TET1: variants seen among roughly 807,000 people sequenced by gnomAD.
The protein encoded by TET1 is methylcytosine dioxygenase TET1.
In TET1, 13 loss-of-function variants were observed where a neutral mutation model predicts 148.7. The ratio of observed to expected loss-of-function variants is 0.09; its 90% CI spans 0.06 to 0.14. The LOEUF is 0.14. TET1 is among the 10% of genes least tolerant of loss of function. The pLI is 1.00. For synonymous variants in TET1, 907 were observed against 937.2 expected, an observed-to-expected ratio of 0.97 and a Z score of 0.59; for missense variants, 2,182 against 2,553.8, an observed-to-expected ratio of 0.85 and a Z score of 3.14.
In TET1 at chr10:68,650,332, T is replaced by C. The variant is rs899466340; in HGVS notation, c.4277-1514T>C. Among the ~76,000 whole-genome samples, 3 of 152,098 alleles carry C rather than the reference T, an allele frequency of 2.0e-5. No homozygotes were observed. The East Asian group carries it at 5.8e-4, about 29-fold the overall frequency. On this transcript the variant is annotated intron_variant, in intron 4 of 11. Coordinates refer to ENST00000373644, the MANE Select transcript of TET1 (RefSeq NM_030625.3). ...TAAGAATAAGATAAAATCTATCAAGTGTATCTTACTTAAGAAGCCACAGAA... is the reference window on the plus strand; with the variant it reads ...TAAGAATAAGATAAAATCTATCAAGCGTATCTTACTTAAGAAGCCACAGAA...
At chr10:68,593,844 C>T (rs896195771) in intron 2 of TET1, among the ~76,000 whole-genome samples, 2 of 150,944 alleles carry the variant, frequency 1.3e-5, no homozygotes, top group African/African-American at 4.9e-5. Flanking sequence ...CAACTCCTGA[C>T]CTCAGGCGAT....
At chr10:68,607,836 A>G (rs984834017) in intron 3 of TET1, among the ~76,000 whole-genome samples, 1 of 142,562 alleles carries the variant, frequency 7.0e-6, no homozygotes, top group Non-Finnish European at 1.5e-5. Context: ...GTTTATATAT[A>G]TAAATATAAA....
chr10:68,652,443 C>A (rs377499220), intron 5 of TET1, 58 bp from the exon 6 acceptor site: 13 of 1,277,968 alleles, frequency 1.0e-5, no homozygotes, highest in Non-Finnish European at 1.4e-5. Context: ...AAAGCCAAAG[C>A]CTTCAAGTAC....
intron 2 of TET1, among the ~76,000 whole-genome samples, chr10:68,586,258 A>G (rs1452958800): frequency 6.6e-6 from 1 of 152,070 alleles, no homozygotes; most frequent in African/African-American, 2.4e-5. Flanking sequence ...GCTCACTGCA[A>G]TCAGTACCTC....
intron 3 of TET1, among the ~76,000 whole-genome samples, chr10:68,624,627 T>TCTTC (rs2054430166): frequency 2.6e-5 from 1 of 38,030 alleles, no homozygotes; most frequent in African/African-American, 1.7e-4. Context: ...TTTCTTTCTT[T>TCTTC]CTTTCTTTCT....
rs2055205470 is a variant in TET1, at chr10:68,667,134, G to A, written c.4551G>A (p.Val1517=). 6.2e-7 allele frequency: 1 copy of A among 1,614,182 alleles called. No homozygotes were observed. Among genetic ancestry groups the A allele is most frequent in the Admixed American group, 1.7e-5 (1 of 60,024 alleles). The stretch of plus-strand genomic sequence containing the variant: ...ACTGTCCAACTGCTGTGATGGTGGT[G>A]CTCATCATGGTGTGGGATGGCATCC... ...GHHCPTAVMV[V]LIMVWDGIPL... The change falls in exon 7 of 12, where the codon GTG becomes GTA. Residue 1517 remains valine (V), a synonymous_variant. Transcript: ENST00000373644.
chr10:68,562,848 CTT>C (rs945822506), intron 1 of TET1, among the ~76,000 whole-genome samples: 1 of 151,954 alleles, frequency 6.6e-6, no homozygotes, highest in Non-Finnish European at 1.5e-5. Context: ...TCCCCTTGGT[CTT>C]TTAGTTTTCG....
chr10:68,593,732 C>T (rs2053946240), intron 2 of TET1, among the ~76,000 whole-genome samples: 1 of 152,030 alleles, frequency 6.6e-6, no homozygotes, highest in African/African-American at 2.4e-5. Flanking sequence ...CCTGCCTCAG[C>T]CTCCCAAGTA....
At chr10:68,588,361 G>A (rs1111874) in intron 2 of TET1, among the ~76,000 whole-genome samples, 1 of 151,926 alleles carries the variant, frequency 6.6e-6, no homozygotes, top group African/African-American at 2.4e-5. Flanking sequence ...TACAACAATC[G>A]TATGAAATAT....
chr10:68,566,252 A>G (rs2133666967), intron 1 of TET1, among the ~76,000 whole-genome samples: 1 of 152,344 alleles, frequency 6.6e-6, no homozygotes, highest in South Asian at 2.1e-4. Context: ...TTTTAGCAGT[A>G]TAATCTTGAT....
At chr10:68,683,266 T>C (rs986074567) in intron 10 of TET1, among the ~76,000 whole-genome samples, 1 of 151,746 alleles carries the variant, frequency 6.6e-6, no homozygotes, top group Admixed American at 6.6e-5. Flanking sequence ...AGGAGTACTT[T>C]TTTTTAAATT....
intron 3 of TET1, among the ~76,000 whole-genome samples, chr10:68,637,582 G>A (rs986606075): frequency 7.4e-6 from 1 of 135,620 alleles, no homozygotes; most frequent in Non-Finnish European, 1.5e-5. Flanking sequence ...CTGGAGTGCT[G>A]TGGTGCCATC....
chr10:68,628,232 C>A (rs1427307967), intron 3 of TET1, among the ~76,000 whole-genome samples: 2 of 152,142 alleles, frequency 1.3e-5, no homozygotes, highest in African/African-American at 2.4e-5. Context: ...CAGGCATGAG[C>A]CACTGCCCCC....
At chr10:68,653,844 C>T (rs1303353535) in intron 6 of TET1, among the ~76,000 whole-genome samples, 2 of 152,112 alleles carry the variant, frequency 1.3e-5, no homozygotes, top group Non-Finnish European at 2.9e-5. Flanking sequence ...CGGTGGCTCA[C>T]GCCTGTAATC....
rs745420526 is a variant in TET1 at position 68,646,515 on chromosome 10, A to C, written c.3786A>C (p.Ser1262=). 1 of 1,614,154 alleles carries C rather than the reference A, an allele frequency of 6.2e-7. No individual in the cohort carries two copies. Among genetic ancestry groups the C allele is most frequent in the Admixed American group, 1.7e-5 (1 of 60,012 alleles). The stretch of plus-strand genomic sequence containing the variant: ...AGGTGAAGGTTGAACCATTGGATTC[A>C]CTCAGCTTATTTCATCTTAAAACGG... ...EEKVKVEPLD[S]LSLFHLKTES... is the part of the protein sequence containing the mutation. The change falls in exon 4 of 12, where the codon TCA becomes TCC. Residue 1262 remains serine (S), a synonymous_variant. Transcript: ENST00000373644.
Position 68,573,854 on chromosome 10 carries a change from A to C in TET1, c.1516A>C (p.Ser506Arg). 9 of 1,614,138 alleles carry C rather than the reference A, an allele frequency of 5.6e-6. No homozygotes were observed. The highest frequency in any genetic ancestry group is 7.6e-6 in the Non-Finnish European group (9 of 1,180,026). ...NVENEKQVHI[S>R]FLPANTQGFP... The stretch of plus-strand genomic sequence containing the variant: ...AGAAAATGAGAAGCAGGTTCATATA[A>C]GCTTCCTGCCAGCTAACACTCAGGG... The change falls in exon 2 of 12, where the codon AGC becomes CGC. Residue 506 changes from serine (S) to arginine (R), a missense_variant. Physicochemically the swap from Ser to Arg is moderately radical, Grantham distance 110. Around this residue, in one of 11 missense-constraint regions of TET1, gnomAD observed 665 missense variants for 672.4 expected, o/e 0.99. Transcript: ENST00000373644.
Position 68,690,808 on chromosome 10 carries a change from G to A in TET1, c.5405G>A (p.Gly1802Glu). The change falls in exon 12 of 12, where the codon GGG (glycine) becomes GAG (glutamate). Residue 1802 changes from glycine to glutamate, a missense_variant and splice_region_variant. By Grantham distance (98) the Gly-to-Glu change is moderately conservative. This residue lies in a region of TET1 where 380 missense variants were observed against 387.9 expected (regional missense o/e 0.98). Coordinates refer to ENST00000373644, the MANE Select transcript of TET1 (RefSeq NM_030625.3). ...NSKPSSLPTL[G>E]SNTETVQPEV... ...CTTCACATTTGGTGTCCTTGTTTAGGGAGTAACACTGAGACCGTGCAACCT... is the reference window on the plus strand; with the variant it reads ...CTTCACATTTGGTGTCCTTGTTTAGAGAGTAACACTGAGACCGTGCAACCT... 6.3e-7 allele frequency: 1 copy of A among 1,577,490 alleles called. No individual in the cohort carries two copies. Among genetic ancestry groups the A allele is most frequent in the Non-Finnish European group, 8.6e-7 (1 of 1,158,862 alleles).
At chr10:68,570,366 A>G (rs1055700213) in intron 1 of TET1, among the ~76,000 whole-genome samples, 6 of 151,984 alleles carry the variant, frequency 3.9e-5, no homozygotes, top group African/African-American at 1.5e-4. Flanking sequence ...CGGCCTCCCA[A>G]AGTGCTGGGA....
chr10:68,579,464 C>A (rs960025982), intron 2 of TET1, among the ~76,000 whole-genome samples: 1 of 152,214 alleles, frequency 6.6e-6, no homozygotes, highest in Non-Finnish European at 1.5e-5. Flanking sequence ...TCAGTGCTAT[C>A]TTTACTATCA....
Sources: gnomAD v4.1 joint callset for allele counts (sites outside exome capture counted in the v4.1 genomes callset) on GRCh38, gnomAD v4.1.1 for gene constraint, gnomAD v4.1.1 regional missense constraint, MANE v1.5 for transcripts, NCBI Gene and HGNC (gene_info 2026-07-23, HGNC 2026-07-21) for gene names.